Variants in RGL1 observed in about 807,000 individuals in gnomAD.
RGL1 encodes the protein ral guanine nucleotide dissociation stimulator-like 1.
In RGL1, 24 loss-of-function variants were observed where a neutral mutation model predicts 95.2. The ratio of observed to expected loss-of-function variants is 0.25; its 90% CI spans 0.18 to 0.35. The LOEUF (loss-of-function observed/expected upper bound fraction) is 0.35, where lower values mean the gene tolerates loss of function less well. Among genes scored for constraint, RGL1 ranks in the 10% least tolerant of loss-of-function variants. The pLI is 1.00. For synonymous variants in RGL1, 329 were observed against 344.9 expected, an observed-to-expected ratio of 0.95 and a Z score of 0.51; for missense variants, 715 against 936.3, an observed-to-expected ratio of 0.76 and a Z score of 3.08.
chr1:183,771,894 G>A (rs576647340), intron 2 of RGL1, among the ~76,000 whole-genome samples: 34 of 152,316 alleles, frequency 2.2e-4, no homozygotes, highest in African/African-American at 6.7e-4. Flanking sequence ...GCAGATAGGC[G>A]GAGGAAGACA....
intron 1 of RGL1, among the ~76,000 whole-genome samples, chr1:183,692,083 A>G (rs1653977818): frequency 6.6e-6 from 1 of 151,238 alleles, no homozygotes; most frequent in African/African-American, 2.4e-5. Context: ...TATTCTGTGT[A>G]ATATACTTTT....
intron 1 of RGL1, among the ~76,000 whole-genome samples, chr1:183,682,614 G>A (rs555580625): frequency 7.9e-5 from 12 of 152,276 alleles, no homozygotes; most frequent in South Asian, 2.1e-4. Flanking sequence ...GAATAAGTGC[G>A]ATGAGGTGCT....
intron 2 of RGL1, among the ~76,000 whole-genome samples, chr1:183,781,314 C>T (rs1024926123): frequency 2.6e-5 from 4 of 152,182 alleles, no homozygotes; most frequent in African/African-American, 9.7e-5. Context: ...TTCCCCCTTA[C>T]CTTAGCTGGC....
intron 1 of RGL1, chr1:183,648,889 C>T (rs1650514908): frequency 4.5e-6 from 4 of 891,656 alleles, no homozygotes; most frequent in Non-Finnish European, 6.8e-6. Context: ...TTAAACCATA[C>T]TTTCTTTAAA....
At chr1:183,872,776 C>A (rs950778580) in intron 4 of RGL1, among the ~76,000 whole-genome samples, 2 of 152,168 alleles carry the variant, frequency 1.3e-5, no homozygotes, top group African/African-American at 2.4e-5. Flanking sequence ...ATATTCATTC[C>A]TGCAAATTCA....
chr1:183,746,529 G>A (rs1657639717), intron 2 of RGL1, among the ~76,000 whole-genome samples: 1 of 151,126 alleles, frequency 6.6e-6, no homozygotes, highest in Admixed American at 6.6e-5. Flanking sequence ...GTTATATCAT[G>A]ATTAATTATT....
intron 9 of RGL1, 26 bp downstream of exon 9, chr1:183,892,187 G>A (rs1408595149): frequency 1.3e-6 from 2 of 1,508,704 alleles, no homozygotes; most frequent in African/African-American, 2.7e-5. Context: ...AGGCTGCTGT[G>A]TAGTGCTGTT....
At position 183,648,393 on chromosome 1, in the gene RGL1, G is replaced by A. The variant is rs778856735; in HGVS notation, c.-33+11892G>A. On this transcript the variant is annotated intron_variant, in intron 1 of 18. Transcript: ENST00000304685. ...CATTTTGCTGATGCAGCAGTGGTTAGCTTCATTACAAGGGGAGTTGTTGGA... is the reference window on the plus strand; with the variant it reads ...CATTTTGCTGATGCAGCAGTGGTTAACTTCATTACAAGGGGAGTTGTTGGA... 4.3e-6 allele frequency: 7 copies of A among 1,614,218 alleles called. No homozygotes were observed. In the South Asian group the frequency reaches 7.7e-5, roughly 18 times the overall value.
chr1:183,854,285 G>A (rs1375043247), intron 3 of RGL1, among the ~76,000 whole-genome samples: 1 of 152,122 alleles, frequency 6.6e-6, no homozygotes, highest in African/African-American at 2.4e-5. Flanking sequence ...CTGTGTGTTT[G>A]GAGTGTTTCT....
intron 2 of RGL1, among the ~76,000 whole-genome samples, chr1:183,776,204 A>C (rs1383777939): frequency 2.2e-5 from 3 of 133,352 alleles, no homozygotes; most frequent in Non-Finnish European, 4.6e-5. Context: ...GCTGGAGTGC[A>C]GTGGCGCGAT....
At chr1:183,829,045 T>A (rs1409264973) in intron 2 of RGL1, among the ~76,000 whole-genome samples, 1 of 152,216 alleles carries the variant, frequency 6.6e-6, no homozygotes, top group Non-Finnish European at 1.5e-5. Context: ...ATGCTTGTTA[T>A]AATAACCGGG....
At chr1:183,862,126 G>C (rs373966212) in intron 3 of RGL1, among the ~76,000 whole-genome samples, 3 of 152,196 alleles carry the variant, frequency 2.0e-5, no homozygotes, top group African/African-American at 4.8e-5. Context: ...AGGATCACTT[G>C]AGCCCAGAAG....
intron 2 of RGL1, among the ~76,000 whole-genome samples, chr1:183,835,182 G>A (rs1663553673): frequency 6.9e-6 from 1 of 145,968 alleles, no homozygotes; most frequent in Admixed American, 6.9e-5. Context: ...AATTGGATCT[G>A]TGTTTTTTTG....
At chr1:183,858,301 C>T (rs1665288951) in intron 3 of RGL1, among the ~76,000 whole-genome samples, 3 of 152,170 alleles carry the variant, frequency 2.0e-5, no homozygotes, top group Admixed American at 2.0e-4. Context: ...GTACTAAAAA[C>T]TATGGACCTT....
rs373638185 is a variant in RGL1, at chr1:183,810,369, CTCT to C, written c.138+3889_138+3891del. 8.5e-5 allele frequency among the ~76,000 whole-genome samples: 13 copies of C among 152,288 alleles called. No individual in the cohort carries two copies. In the East Asian group the frequency reaches 2.1e-3, roughly 25 times the overall value. On this transcript the variant is annotated intron_variant, in intron 2 of 17. Transcript: ENST00000360851. ...GAATGATCAGTGGTTAGTCACGTGG[CTCT>C]TCTTAGTCCTGTACTTCTGTGGTCA...
At chr1:183,773,106 A>T (rs1170649997) in intron 2 of RGL1, among the ~76,000 whole-genome samples, 1 of 151,278 alleles carries the variant, frequency 6.6e-6, no homozygotes, top group Non-Finnish European at 1.5e-5. Flanking sequence ...TTCTCTCACA[A>T]CACCTAGCTC....
At chr1:183,792,511 T>C (rs1660485197) in intron 2 of RGL1, among the ~76,000 whole-genome samples, 1 of 152,212 alleles carries the variant, frequency 6.6e-6, no homozygotes, top group East Asian at 1.9e-4. Flanking sequence ...GGAACCAAAC[T>C]GGAAAAGAGG....
At chr1:183,844,978 A>G (rs1284089669) in intron 2 of RGL1, among the ~76,000 whole-genome samples, 3 of 152,234 alleles carry the variant, frequency 2.0e-5, no homozygotes, top group Non-Finnish European at 4.4e-5. Flanking sequence ...AGCAGTTGCC[A>G]CCACTCTGGT....
At chr1:183,808,341 A>C (rs755955425) in intron 2 of RGL1, among the ~76,000 whole-genome samples, 5 of 152,206 alleles carry the variant, frequency 3.3e-5, no homozygotes, top group Non-Finnish European at 7.3e-5. Flanking sequence ...GAGAAGGAGG[A>C]TAATGTGAAA....
Sources: gnomAD v4.1 joint callset for allele counts (sites outside exome capture counted in the v4.1 genomes callset) on GRCh38, gnomAD v4.1.1 for gene constraint, MANE v1.5 for transcripts, NCBI Gene and HGNC (gene_info 2026-07-23, HGNC 2026-07-21) for gene names.